The following TAF8 variants were observed in gnomAD, a reference collection of about 807,000 sequenced individuals.
The protein encoded by TAF8 is TATA-box binding protein associated factor 8, also known as transcription initiation factor TFIID subunit 8.
In TAF8, 47 loss-of-function variants were observed where a neutral mutation model predicts 36.5. The ratio of observed to expected loss-of-function variants is 1.29; its 90% CI spans 1.02 to 1.64. The LOEUF (loss-of-function observed/expected upper bound fraction) is 1.64. Among genes scored for constraint, TAF8 ranks in the 40% most tolerant of loss-of-function variants. TAF8 has a pLI of 0.00. For missense variants in TAF8, 420 were observed against 407.6 expected (o/e 1.03, Z -0.26); for synonymous variants, 175 against 159.5 (o/e 1.10, Z -0.73).
intron 7 of TAF8, among the ~76,000 whole-genome samples, chr6:42,072,222 A>C (rs539613790): frequency 6.6e-6 from 1 of 152,364 alleles, no homozygotes; most frequent in East Asian, 1.9e-4. Context: ...GTTTTAGGCT[A>C]TCTAACCATA....
downstream of TAF8, among the ~76,000 whole-genome samples, chr6:42,085,484 T>C (rs1766012946): frequency 6.6e-6 from 1 of 152,096 alleles, no homozygotes; most frequent in African/African-American, 2.4e-5. Context: ...GTGGGGCCTT[T>C]GAGGAGGTAA....
chr6:42,075,507 G>A (rs1445331969), intron 7 of TAF8, among the ~76,000 whole-genome samples: 2 of 152,248 alleles, frequency 1.3e-5, no homozygotes, highest in Non-Finnish European at 1.5e-5. Context: ...TGGTGTCCAT[G>A]CCCTAGGCCA....
Position 42,068,587 on chromosome 6 carries a change from C to T in TAF8, c.760C>T (p.Leu254Phe), listed in dbSNP as rs1384344244. 1.9e-6 allele frequency: 3 copies of T among 1,613,476 alleles called. No homozygotes were observed. Among genetic ancestry groups the T allele is most frequent in the Non-Finnish European group, 2.5e-6 (3 of 1,180,024 alleles). ...EQDEQTDTEN[L>F]ALHISMEDSG... ...GGATGAACAGACAGACACAGAGAACCTTGCTCTTCATATCAGCATGGTGGG... is the reference window on the plus strand; with the variant it reads ...GGATGAACAGACAGACACAGAGAACTTTGCTCTTCATATCAGCATGGTGGG... The change falls in exon 7 of 9, where the codon CTT becomes TTT. Residue 254 changes from leucine to phenylalanine, a missense_variant. Coordinates refer to ENST00000372977, the MANE Select transcript of TAF8 (RefSeq NM_138572.3).
Position 42,081,005 on chromosome 6 carries a change from A to G in TAF8, c.*3460A>G, listed in dbSNP as rs1765906139. On this transcript the variant is annotated 3_prime_UTR_variant, in exon 9 of 9. Transcript: ENST00000372977. Reference sequence around the variant, plus strand: ...TTGTGTTGGCCTAAGCACACCTGGGAACTTAGTAAAACTTTTATTTTGGAA... The same window carrying G: ...TTGTGTTGGCCTAAGCACACCTGGGGACTTAGTAAAACTTTTATTTTGGAA... 1 of 981,532 alleles carries G rather than the reference A, an allele frequency of 1.0e-6. No homozygotes were observed. Among genetic ancestry groups the G allele is most frequent in the Non-Finnish European group, 1.2e-6 (1 of 826,366 alleles). 60.8% of individuals were successfully genotyped at this position (981,532 alleles called of 1,614,324 possible).
At chr6:42,076,686 A>C (rs1765758657) in intron 7 of TAF8, among the ~76,000 whole-genome samples, 1 of 152,232 alleles carries the variant, frequency 6.6e-6, no homozygotes, top group South Asian at 2.1e-4. Flanking sequence ...GAGATGCGCT[A>C]TGCAGATGAT....
At chr6:42,084,965 C>T (rs1297879952), downstream of TAF8, among the ~76,000 whole-genome samples, 3 of 152,174 alleles carry the variant, frequency 2.0e-5, no homozygotes, top group African/African-American at 7.2e-5. Context: ...TATTGCCTCT[C>T]TCCAGACTAA....
chr6:42,056,961 T>G (rs1463019452), intron 4 of TAF8, among the ~76,000 whole-genome samples: 1 of 152,234 alleles, frequency 6.6e-6, no homozygotes, highest in Non-Finnish European at 1.5e-5. Context: ...AAAAACTCCC[T>G]CTCAACATAG....
Position 42,077,609 on chromosome 6 carries a change from C to CT in TAF8, c.*65dup. 6.3e-7 allele frequency: 1 copy of CT among 1,596,954 alleles called. No individual in the cohort carries two copies. Among genetic ancestry groups the CT allele is most frequent in the South Asian group, 1.1e-5 (1 of 88,282 alleles). ...CCACCCTCCCGGGGAGTTAAAGCCACTCAAGGGAAGAAGAGGGTGACCTCC... is the reference window on the plus strand; with the variant it reads ...CCACCCTCCCGGGGAGTTAAAGCCACTTCAAGGGAAGAAGAGGGTGACCTCC... On this transcript the variant is annotated 3_prime_UTR_variant, in exon 9 of 9. Transcript: ENST00000372977.
At chr6:42,057,362 G>A (rs754850984) in intron 4 of TAF8, 27 bp from the exon 5 acceptor site, 2 of 1,613,824 alleles carry the variant, frequency 1.2e-6, no homozygotes, top group Non-Finnish European at 1.7e-6. Flanking sequence ...TTGGGTGGAG[G>A]GGTAATCAGT....
downstream of TAF8, chr6:42,086,621 C>G (rs1484558671): frequency 8.5e-7 from 1 of 1,182,384 alleles, no homozygotes; most frequent in East Asian, 2.6e-5. Context: ...CTGCGGCACC[C>G]CCTCTCCAAT....
At chr6:42,067,703 G>A (rs888959059) in intron 6 of TAF8, among the ~76,000 whole-genome samples, 2 of 152,080 alleles carry the variant, frequency 1.3e-5, no homozygotes, top group Non-Finnish European at 2.9e-5. Flanking sequence ...TAGTAGCTGG[G>A]ACTACAGGCA....
downstream of TAF8, among the ~76,000 whole-genome samples, chr6:42,084,349 T>C (rs62415900): frequency 0.15 from 22,103 of 152,178 alleles, 1,750 homozygotes; most frequent in South Asian, 0.25. Flanking sequence ...TGCTAAGCAC[T>C]TCACATAAAT....
intron 2 of TAF8, among the ~76,000 whole-genome samples, chr6:42,053,384 T>C (rs1764867169): frequency 6.6e-6 from 1 of 152,068 alleles, no homozygotes; most frequent in Non-Finnish European, 1.5e-5. Context: ...GCCAACATAC[T>C]GAAACCCTGT....
chr6:42,075,706 C>T (rs532680575), intron 7 of TAF8, among the ~76,000 whole-genome samples: 2 of 152,304 alleles, frequency 1.3e-5, no homozygotes, highest in East Asian at 3.9e-4. Context: ...CACCAGGGGG[C>T]GCAGCCCGAC....
intron 5 of TAF8, among the ~76,000 whole-genome samples, chr6:42,062,740 C>T (rs191935798): frequency 5.3e-5 from 8 of 151,534 alleles, no homozygotes; most frequent in African/African-American, 1.9e-4. Context: ...TGGGGTTTCA[C>T]CATATTGACC....
downstream of TAF8, chr6:42,086,811 C>A: frequency 1.4e-6 from 2 of 1,473,060 alleles, no homozygotes; most frequent in South Asian, 1.2e-5. Context: ...CCACAAAGGT[C>A]AAGAAAGACA....
Position 42,080,692 on chromosome 6 carries a change from T to G in TAF8, c.*3147T>G. ...GCGCCTGGCCTCAGAGGCTATACTC[T>G]TATAATTTTGTTCTGAGGGGAGACA... On this transcript the variant is annotated 3_prime_UTR_variant, in exon 9 of 9. Coordinates refer to ENST00000372977, the MANE Select transcript of TAF8 (RefSeq NM_138572.3). 2.0e-6 allele frequency: 2 copies of G among 985,306 alleles called. No homozygotes were observed. The highest frequency in any genetic ancestry group is 2.4e-6 in the Non-Finnish European group (2 of 829,892). 61.0% of individuals were successfully genotyped at this position (985,306 alleles called of 1,614,324 possible).
At chr6:42,055,674 G>C (rs1022894651) in intron 3 of TAF8, 45 bp downstream of exon 3, 1 of 1,404,170 alleles carries the variant, frequency 7.1e-7, no homozygotes, top group Non-Finnish European at 1.0e-6. Flanking sequence ...AACTGGGAGA[G>C]GAGTCCCTAG....
At chr6:42,053,227 C>G (rs1265412567) in intron 2 of TAF8, among the ~76,000 whole-genome samples, 1 of 152,012 alleles carries the variant, frequency 6.6e-6, no homozygotes, top group Non-Finnish European at 1.5e-5. Flanking sequence ...CATTGAGGAC[C>G]CCAAGTAGCT....
Sources: allele counts gnomAD v4.1 joint callset (sites outside exome capture counted in the v4.1 genomes callset), GRCh38; gene constraint gnomAD v4.1.1; transcripts MANE v1.5; gene names NCBI Gene and HGNC (gene_info 2026-07-23, HGNC 2026-07-21).